The following HPSE2 variants were observed in gnomAD, a reference collection of about 807,000 sequenced individuals.
HPSE2 encodes the protein heparanase 2 (inactive).
In HPSE2, 38 loss-of-function variants were observed where a neutral mutation model predicts 60.5. That is an observed-to-expected ratio of 0.63 (90% CI 0.48 to 0.82). The LOEUF (loss-of-function observed/expected upper bound fraction) is 0.82. HPSE2 is among the 40% of genes least tolerant of loss of function. The probability of loss-of-function intolerance (pLI) is 0.00; values close to 1 mark genes in which losing one functional copy is unlikely to be tolerated. For synonymous variants in HPSE2, 295 were observed against 293.2 expected, an observed-to-expected ratio of 1.01 and a Z score of -0.06; for missense variants, 713 against 740.4, an observed-to-expected ratio of 0.96 and a Z score of 0.43.
At chr10:98,962,351 G>A (rs1234724696) in intron 3 of HPSE2, among the ~76,000 whole-genome samples, 3 of 149,482 alleles carry the variant, frequency 2.0e-5, no homozygotes, top group African/African-American at 7.4e-5. Context: ...CCATTTTCAC[G>A]ATATTGATTC....
At chr10:98,479,004 T>C (rs918000238) in intron 11 of HPSE2, among the ~76,000 whole-genome samples, 2 of 152,146 alleles carry the variant, frequency 1.3e-5, no homozygotes, top group African/African-American at 2.4e-5. Flanking sequence ...ACATAAATAG[T>C]GACCCCAAGG....
intron 9 of HPSE2, among the ~76,000 whole-genome samples, chr10:98,596,910 G>A (rs1015092204): frequency 3.9e-5 from 6 of 152,114 alleles, no homozygotes; most frequent in Non-Finnish European, 8.8e-5. Flanking sequence ...CTGAGACTGG[G>A]TAATTTATAA....
intron 5 of HPSE2, among the ~76,000 whole-genome samples, chr10:98,704,552 C>A (rs1009245722): frequency 7.9e-5 from 12 of 152,008 alleles, no homozygotes; most frequent in African/African-American, 2.9e-4. Flanking sequence ...GGTACTTGTC[C>A]CAAAACAGAC....
intron 3 of HPSE2, among the ~76,000 whole-genome samples, chr10:98,841,303 T>C (rs1308750379): frequency 6.6e-6 from 1 of 152,162 alleles, no homozygotes; most frequent in Non-Finnish European, 1.5e-5. Flanking sequence ...CACATTTACC[T>C]ATATGGTTCT....
chr10:98,649,918 T>A (rs1946872126), intron 6 of HPSE2, among the ~76,000 whole-genome samples: 1 of 152,184 alleles, frequency 6.6e-6, no homozygotes, highest in Admixed American at 6.5e-5. Context: ...GAACTTCAGA[T>A]CCCATTCACC....
chr10:99,103,993 T>C (rs1844130666), intron 3 of HPSE2, among the ~76,000 whole-genome samples: 3 of 152,164 alleles, frequency 2.0e-5, no homozygotes, highest in Admixed American at 1.3e-4. Context: ...TCAAGATGGA[T>C]TAAAGACTTA....
intron 3 of HPSE2, among the ~76,000 whole-genome samples, chr10:98,978,758 G>T (rs1956142946): frequency 6.6e-6 from 1 of 152,112 alleles, no homozygotes. Context: ...ACAAAACTGT[G>T]GTTTGCAATA....
intron 3 of HPSE2, among the ~76,000 whole-genome samples, chr10:98,980,438 C>A (rs1180257520): frequency 3.3e-5 from 5 of 151,998 alleles, no homozygotes; most frequent in African/African-American, 1.2e-4. Context: ...AGAATCACAG[C>A]AGATTAAGAG....
In HPSE2 at chr10:98,767,577, TATA is replaced by T. The variant is rs200588389; in HGVS notation, c.611-23524_611-23522del. On this transcript the variant is annotated intron_variant, in intron 3 of 11. Coordinates refer to ENST00000370552, the MANE Select transcript of HPSE2 (RefSeq NM_021828.5). ...TATATGTATATTATGTAATGCTATA[TATA>T]ATATGTAGTTATATACAATACTATA... Among the ~76,000 whole-genome samples, 978 of 147,008 alleles carry T rather than the reference TATA, an allele frequency of 6.7e-3. 10 individuals are homozygous for T. The highest frequency in any genetic ancestry group is 0.01 in the Non-Finnish European group (690 of 67,116).
At chr10:99,140,813 C>T (rs962729891) in intron 3 of HPSE2, among the ~76,000 whole-genome samples, 5 of 152,040 alleles carry the variant, frequency 3.3e-5, no homozygotes, top group African/African-American at 4.8e-5. Context: ...CCGAGGTGGG[C>T]GGATCACAAG....
At chr10:98,853,610 A>T (rs1218019978) in intron 3 of HPSE2, among the ~76,000 whole-genome samples, 1 of 152,186 alleles carries the variant, frequency 6.6e-6, no homozygotes, top group Non-Finnish European at 1.5e-5. Flanking sequence ...TAAAATGGCC[A>T]AGAAAATGTA....
At chr10:99,299,429 G>T in the HPSE2 span, among the ~76,000 whole-genome samples, 2 of 152,204 alleles carry the variant, frequency 1.3e-5, no homozygotes, top group Non-Finnish European at 2.9e-5. Context: ...TGGTTGGTTG[G>T]TTTTCAGAGG....
At chr10:99,160,638 G>A (rs978932519) in intron 2 of HPSE2, among the ~76,000 whole-genome samples, 29 of 152,064 alleles carry the variant, frequency 1.9e-4, no homozygotes, top group African/African-American at 6.8e-4. Flanking sequence ...GGTGGCTCAC[G>A]CCTGTAATCC....
chr10:98,527,117 C>A (rs1942990675), intron 9 of HPSE2, among the ~76,000 whole-genome samples: 1 of 152,134 alleles, frequency 6.6e-6, no homozygotes. Context: ...ATTTCTACCT[C>A]CTGATATCTT....
intron 2 of HPSE2, among the ~76,000 whole-genome samples, chr10:99,230,388 T>C (rs1285238994): frequency 1.3e-5 from 2 of 152,160 alleles, no homozygotes; most frequent in African/African-American, 4.8e-5. Flanking sequence ...CTCTCTCCCC[T>C]ATGAGTGGTG....
chr10:98,519,187 T>C (rs1942703991), intron 9 of HPSE2, among the ~76,000 whole-genome samples: 4 of 152,044 alleles, frequency 2.6e-5, no homozygotes, highest in South Asian at 4.1e-4. Flanking sequence ...TGGCTAGATA[T>C]CATCATCATC....
chr10:99,215,828 TGGCTGC>T (rs1849101737), intron 2 of HPSE2, among the ~76,000 whole-genome samples: 1 of 152,208 alleles, frequency 6.6e-6, no homozygotes, highest in African/African-American at 2.4e-5. Flanking sequence ...ACTGTGGCAA[TGGCTGC>T]ACAGCTCTAA....
intron 3 of HPSE2, among the ~76,000 whole-genome samples, chr10:98,852,606 C>T (rs1952208231): frequency 1.3e-5 from 2 of 152,162 alleles, no homozygotes; most frequent in African/African-American, 4.8e-5. Context: ...GCTGGGTTTC[C>T]CCACTCAGTC....
intron 3 of HPSE2, among the ~76,000 whole-genome samples, chr10:98,936,000 C>A (rs1445801758): frequency 2.1e-5 from 3 of 144,622 alleles, no homozygotes; most frequent in Non-Finnish European, 4.5e-5. Flanking sequence ...GGATGCCCTG[C>A]CCGGTGAGGG....
Sources: gnomAD v4.1 joint callset for allele counts (sites outside exome capture counted in the v4.1 genomes callset) on GRCh38, gnomAD v4.1.1 for gene constraint, MANE v1.5 for transcripts, NCBI Gene and HGNC (gene_info 2026-07-23, HGNC 2026-07-21) for gene names.